The following RBFOX1 variants were observed in gnomAD, a reference collection of about 807,000 sequenced individuals.
RBFOX1 encodes RNA binding protein fox-1 homolog 1.
RBFOX1 carries 8 observed loss-of-function variants against 57.7 expected under a neutral mutation model. The ratio of observed to expected loss-of-function variants is 0.14; its 90% CI spans 0.08 to 0.25. The LOEUF is 0.25. RBFOX1 is among the 10% of genes least tolerant of loss of function. The pLI, the probability that RBFOX1 is intolerant of heterozygous loss-of-function variation, is 1.00. For synonymous variants in RBFOX1, 326 were observed against 222.4 expected, an observed-to-expected ratio of 1.47 and a Z score of -4.15; for missense variants, 611 against 548.5, an observed-to-expected ratio of 1.11 and a Z score of -1.14.
intron 4 of RBFOX1, among the ~76,000 whole-genome samples, chr16:5,877,247 AAGTC>A (rs2057636903): frequency 6.6e-6 from 1 of 152,246 alleles, no homozygotes; most frequent in South Asian, 2.1e-4. Context: ...TTTATTCAGA[AAGTC>A]AGAGAGTTTT....
chr16:6,940,750 AC>A lies in RBFOX1; in HGVS notation c.-15-111305del, dbSNP rs756706710. Among the ~76,000 whole-genome samples, 15 of 143,032 alleles carry A rather than the reference AC, an allele frequency of 1.0e-4. No individual in the cohort carries two copies. In the East Asian group the frequency reaches 2.1e-3, roughly 20 times the overall value. 93.8% of individuals were successfully genotyped at this position (143,032 alleles called of 152,430 possible). ...GTAGCTGGGACTACAGGCGCCCGCCACCATGTCCCGCTAGTGTGTGTGTGTG... is the reference window on the plus strand; with the variant it reads ...GTAGCTGGGACTACAGGCGCCCGCCACATGTCCCGCTAGTGTGTGTGTGTG... On this transcript the variant is annotated intron_variant, in intron 3 of 15. Transcript: ENST00000550418.
chr16:6,772,801 T>A (rs1376382621), intron 3 of RBFOX1, among the ~76,000 whole-genome samples: 1 of 150,212 alleles, frequency 6.7e-6, no homozygotes, highest in East Asian at 2.0e-4. Context: ...TGTGCGTATG[T>A]GTGGGCCTGG....
At chr16:7,332,017 A>G (rs2096704482) in intron 4 of RBFOX1, among the ~76,000 whole-genome samples, 1 of 152,160 alleles carries the variant, frequency 6.6e-6, no homozygotes, top group Non-Finnish European at 1.5e-5. Flanking sequence ...TTGTTAATGT[A>G]TTGCATATTA....
In RBFOX1 at chr16:7,296,594, G is replaced by C. The variant is rs113564026; in HGVS notation, c.28-221553G>C. Among the ~76,000 whole-genome samples, 554 of 152,250 alleles carry C rather than the reference G, an allele frequency of 3.6e-3. 5 individuals are homozygous for C. Among genetic ancestry groups the C allele is most frequent in the African/African-American group, 0.013 (528 of 41,536 alleles). ...TTCACGATAGCTTGCAAGTAGCAGA[G>C]CTTGAATTTAAACCAGTTTGTGTGT... On this transcript the variant is annotated intron_variant, in intron 4 of 15. Coordinates refer to ENST00000550418, the MANE Select transcript of RBFOX1 (RefSeq NM_018723.4).
At chr16:6,600,747 ACAG>A (rs1339310340) in intron 2 of RBFOX1, among the ~76,000 whole-genome samples, 10 of 152,224 alleles carry the variant, frequency 6.6e-5, no homozygotes, top group South Asian at 2.1e-4. Flanking sequence ...TCACAGACAG[ACAG>A]TATAAGTAAC....
chr16:7,070,364 C>G lies in RBFOX1; in HGVS notation c.27+18266C>G, dbSNP rs1218474486. On this transcript the variant is annotated intron_variant, in intron 4 of 15. Transcript: ENST00000550418. ...AACATGGAGGCATGATTTTGGAAAA[C>G]TTGTCTGCCTCAGATGCACCCACGC... Among the ~76,000 whole-genome samples, 8 of 152,172 alleles carry G rather than the reference C, an allele frequency of 5.3e-5. No homozygotes were observed. In the East Asian group the frequency reaches 5.8e-4, roughly 11 times the overall value.
intron 1 of RBFOX1, among the ~76,000 whole-genome samples, chr16:6,065,365 G>A (rs2095747912): frequency 6.6e-6 from 1 of 152,056 alleles, no homozygotes; most frequent in Non-Finnish European, 1.5e-5. Flanking sequence ...TAGGAACACT[G>A]GGGATGTCTG....
At chr16:7,270,095 T>A (rs975050470) in intron 4 of RBFOX1, among the ~76,000 whole-genome samples, 3 of 152,226 alleles carry the variant, frequency 2.0e-5, no homozygotes, top group African/African-American at 7.2e-5. Context: ...ATTTTACAAA[T>A]TGAGAAGCTA....
chr16:6,054,080 A>G (rs536015214), intron 1 of RBFOX1, among the ~76,000 whole-genome samples: 1 of 152,228 alleles, frequency 6.6e-6, no homozygotes, highest in South Asian at 2.1e-4. Flanking sequence ...AATTTAAAGA[A>G]AGAAATAAAT....
intron 1 of RBFOX1, among the ~76,000 whole-genome samples, chr16:5,399,093 G>A (rs1042098798): frequency 2.0e-5 from 3 of 152,150 alleles, no homozygotes; most frequent in African/African-American, 4.8e-5. Context: ...CATGGCTTTC[G>A]ACTTAAATCT....
chr16:7,237,622 T>G (rs780856517), intron 4 of RBFOX1, among the ~76,000 whole-genome samples: 6 of 152,232 alleles, frequency 3.9e-5, no homozygotes, highest in Non-Finnish European at 5.9e-5. Context: ...AGAAAGTAAA[T>G]TCTGCTTTCT....
intron 1 of RBFOX1, among the ~76,000 whole-genome samples, chr16:6,074,468 C>T (rs2095872822): frequency 6.6e-6 from 1 of 152,212 alleles, no homozygotes; most frequent in Admixed American, 6.5e-5. Context: ...GGTTCTACCA[C>T]ATGCATTAAT....
At chr16:6,578,158 A>G (rs1306600807) in intron 2 of RBFOX1, among the ~76,000 whole-genome samples, 2 of 152,246 alleles carry the variant, frequency 1.3e-5, no homozygotes, top group Non-Finnish European at 2.9e-5. Flanking sequence ...CATTCTAACT[A>G]CTACTAGACA....
intron 6 of RBFOX1, among the ~76,000 whole-genome samples, chr16:7,583,148 CTTTTT>C (rs34658435): frequency 3.2e-4 from 42 of 132,394 alleles, no homozygotes; most frequent in African/African-American, 1.1e-3. Flanking sequence ...TCTAGCTCAT[CTTTTT>C]TTTTTTTTTT....
intron 2 of RBFOX1, among the ~76,000 whole-genome samples, chr16:6,618,980 G>T (rs971348165): frequency 6.6e-6 from 1 of 152,196 alleles, no homozygotes; most frequent in Admixed American, 6.5e-5. Flanking sequence ...TTATAGTCCA[G>T]AGTGGGAAGC....
At chr16:6,930,697 C>T (rs1431151580) in intron 3 of RBFOX1, among the ~76,000 whole-genome samples, 2 of 152,078 alleles carry the variant, frequency 1.3e-5, no homozygotes, top group African/African-American at 4.8e-5. Flanking sequence ...GGTGTTAGCC[C>T]CTGTGCCTGG....
chr16:6,590,076 C>T (rs1212446822), intron 2 of RBFOX1, among the ~76,000 whole-genome samples: 1 of 152,188 alleles, frequency 6.6e-6, no homozygotes, highest in Non-Finnish European at 1.5e-5. Context: ...ATAACTGAAA[C>T]AGTGACAACT....
At chr16:5,843,936 C>G (rs906847945) in intron 3 of RBFOX1, among the ~76,000 whole-genome samples, 2 of 152,206 alleles carry the variant, frequency 1.3e-5, no homozygotes, top group Non-Finnish European at 2.9e-5. Flanking sequence ...ATTTTCCTAT[C>G]AGAAAAGTCA....
chr16:7,009,471 G>A (rs1479099433), intron 3 of RBFOX1, among the ~76,000 whole-genome samples: 1 of 151,874 alleles, frequency 6.6e-6, no homozygotes, highest in African/African-American at 2.4e-5. Flanking sequence ...GGAATATATT[G>A]ACTGCAGCCC....
Sources: allele counts gnomAD v4.1 joint callset (sites outside exome capture counted in the v4.1 genomes callset), GRCh38; gene constraint gnomAD v4.1.1; transcripts MANE v1.5; gene names NCBI Gene and HGNC (gene_info 2026-07-23, HGNC 2026-07-21).